Variants in AGBL1 observed in about 807,000 individuals in gnomAD.
AGBL1 encodes AGBL carboxypeptidase 1.
AGBL1 carries 130 observed loss-of-function variants against 118.9 expected under a neutral mutation model. That is an observed-to-expected ratio of 1.09 (90% CI 0.95 to 1.26). The LOEUF (loss-of-function observed/expected upper bound fraction) is 1.26. Ranked by LOEUF, AGBL1 falls within the 50% of genes most tolerant of loss-of-function variation. The pLI is 0.00. For missense variants in AGBL1, 1,584 were observed against 1,298.1 expected, an observed-to-expected ratio of 1.22 and a Z score of -3.38; for synonymous variants, 555 against 478.9, an observed-to-expected ratio of 1.16 and a Z score of -2.08.
intron 22 of AGBL1, among the ~76,000 whole-genome samples, chr15:86,875,762 T>C (rs959095): frequency 0.14 from 20,940 of 152,130 alleles, 1,805 homozygotes; most frequent in Non-Finnish European, 0.19. Flanking sequence ...TAGAGATCAA[T>C]GAAAGTTAAC....
intron 20 of AGBL1, among the ~76,000 whole-genome samples, chr15:86,553,863 TA>T (rs2083695492): frequency 8.2e-6 from 1 of 121,232 alleles, no homozygotes; most frequent in Non-Finnish European, 1.9e-5. Context: ...TATTTATTTC[TA>T]ACTTTTTTTT....
chr15:86,547,994 A>T (rs781497125), intron 20 of AGBL1, among the ~76,000 whole-genome samples: 4 of 152,130 alleles, frequency 2.6e-5, no homozygotes, highest in Admixed American at 6.6e-5. Context: ...GACACTCTAA[A>T]TTAGGACATA....
intron 21 of AGBL1, among the ~76,000 whole-genome samples, chr15:86,570,476 A>G (rs2083989100): frequency 6.6e-6 from 1 of 152,254 alleles, no homozygotes; most frequent in Admixed American, 6.5e-5. Flanking sequence ...GGGGTAGAAT[A>G]TTCATAAAGA....
chr15:86,206,749 A>G (rs967247608), intron 5 of AGBL1, among the ~76,000 whole-genome samples: 1 of 152,112 alleles, frequency 6.6e-6, no homozygotes, highest in African/African-American at 2.4e-5. Flanking sequence ...ATTTTCTCCC[A>G]TTCTGTAGGT....
chr15:86,884,676 G>A (rs1402736560), intron 22 of AGBL1, among the ~76,000 whole-genome samples: 1 of 152,124 alleles, frequency 6.6e-6, no homozygotes, highest in African/African-American at 2.4e-5. Context: ...GCCAGATCTG[G>A]TGGTGTGCAC....
chr15:86,369,341 G>C (rs570114271), intron 17 of AGBL1, among the ~76,000 whole-genome samples: 1 of 152,280 alleles, frequency 6.6e-6, no homozygotes, highest in South Asian at 2.1e-4. Flanking sequence ...ATATTTTGGG[G>C]AGTGCAGATG....
chr15:86,155,528 G>A (rs1209562903), intron 4 of AGBL1, among the ~76,000 whole-genome samples: 2 of 152,152 alleles, frequency 1.3e-5, no homozygotes, highest in Non-Finnish European at 2.9e-5. Context: ...TAACTCCAGA[G>A]CTCATTTTAA....
At position 86,737,223 on chromosome 15, in the gene AGBL1, AAGT is replaced by A. The variant is rs201293885; in HGVS notation, c.3158+62793_3158+62795del. 1.1e-3 allele frequency among the ~76,000 whole-genome samples: 174 copies of A among 152,178 alleles called. 1 individual carries two copies. The highest frequency in any genetic ancestry group is 5.6e-3 in the East Asian group (29 of 5,162). ...GAAGGGAGCTGGAAGGTTGCTGGGG[AAGT>A]AGTAGGGCCTGGAAAATTTCACGGA... On this transcript the variant is annotated intron_variant, in intron 22 of 22. Transcript: ENST00000614907.
intron 22 of AGBL1, among the ~76,000 whole-genome samples, chr15:86,681,325 A>G (rs893345154): frequency 1.3e-5 from 2 of 152,060 alleles, no homozygotes; most frequent in Non-Finnish European, 2.9e-5. Flanking sequence ...CTCATCTTTC[A>G]TGAGTTTCCT....
At chr15:86,142,200 C>T (rs1253052213) in intron 2 of AGBL1, 133 bp downstream of exon 2, 4 of 824,866 alleles carry the variant, frequency 4.8e-6, no homozygotes, top group East Asian at 2.7e-5. Flanking sequence ...ATCACTAGCC[C>T]ATCTTTTTTC....
chr15:86,450,770 G>A (rs1393788392), intron 18 of AGBL1, among the ~76,000 whole-genome samples: 1 of 152,130 alleles, frequency 6.6e-6, no homozygotes, highest in Non-Finnish European at 1.5e-5. Flanking sequence ...ACATGTTTGT[G>A]GTTAGGGTTA....
chr15:86,722,061 C>T (rs1296808406), intron 22 of AGBL1, among the ~76,000 whole-genome samples: 7 of 151,878 alleles, frequency 4.6e-5, no homozygotes, highest in South Asian at 4.2e-4. Context: ...GAATCAATAT[C>T]GTGAAAATGG....
At chr15:86,140,597 C>A (rs1232713555) in intron 1 of AGBL1, among the ~76,000 whole-genome samples, 1 of 152,088 alleles carries the variant, frequency 6.6e-6, no homozygotes, top group Non-Finnish European at 1.5e-5. Flanking sequence ...GATACCAACA[C>A]CATGTGGTAA....
At chr15:86,657,147 T>A (rs534374505) in intron 21 of AGBL1, among the ~76,000 whole-genome samples, 1 of 152,284 alleles carries the variant, frequency 6.6e-6, no homozygotes, top group South Asian at 2.1e-4. Context: ...CTGTCTACCA[T>A]GCCCCTTCCA....
chr15:86,640,639 G>A (rs1035226588), intron 21 of AGBL1, among the ~76,000 whole-genome samples: 13 of 151,886 alleles, frequency 8.6e-5, no homozygotes, highest in African/African-American at 3.1e-4. Flanking sequence ...CTACTTTTTG[G>A]AGATCTAAGA....
At chr15:86,587,906 C>T (rs1365887334) in intron 21 of AGBL1, among the ~76,000 whole-genome samples, 2 of 152,126 alleles carry the variant, frequency 1.3e-5, no homozygotes, top group African/African-American at 2.4e-5. Context: ...TCTAGTTCTT[C>T]CCCAGGCTCC....
intron 22 of AGBL1, among the ~76,000 whole-genome samples, chr15:86,860,660 G>T (rs1279443259): frequency 6.6e-6 from 1 of 152,022 alleles, no homozygotes; most frequent in Admixed American, 6.6e-5. Flanking sequence ...AGCCCAAGGA[G>T]CTTATTTTTG....
intron 22 of AGBL1, among the ~76,000 whole-genome samples, chr15:86,729,772 T>A (rs140219469): frequency 1.3e-5 from 2 of 152,300 alleles, no homozygotes; most frequent in African/African-American, 4.8e-5. Context: ...ATGATTTATT[T>A]TCCTTTGGGT....
At chr15:86,100,723 T>C (rs1313911052) in intron 1 of AGBL1, among the ~76,000 whole-genome samples, 1 of 152,074 alleles carries the variant, frequency 6.6e-6, no homozygotes, top group Admixed American at 6.5e-5. Context: ...TTTGTTGTTG[T>C]TGTTGTTTCT....
Sources: allele counts gnomAD v4.1 joint callset (sites outside exome capture counted in the v4.1 genomes callset), GRCh38; gene constraint gnomAD v4.1.1; transcripts MANE v1.5; gene names NCBI Gene and HGNC (gene_info 2026-07-23, HGNC 2026-07-21).